Variants in LRMDA observed in about 807,000 individuals in gnomAD.
The protein encoded by LRMDA is leucine-rich melanocyte differentiation-associated protein.
LRMDA carries 18 observed loss-of-function variants against 29.8 expected under a neutral mutation model. That is an observed-to-expected ratio of 0.60 (90% CI 0.42 to 0.90). The LOEUF (loss-of-function observed/expected upper bound fraction) is 0.90. Among genes scored for constraint, LRMDA ranks in the 40% least tolerant of loss-of-function variants. The pLI is 0.00. For synonymous variants in LRMDA, 125 were observed against 109.4 expected (o/e 1.14, Z -0.89); for missense variants, 273 against 273.9 (o/e 1.00, Z 0.02).
chr10:76,538,101 T>C (rs796935020), intron 6 of LRMDA, among the ~76,000 whole-genome samples: 4 of 152,316 alleles, frequency 2.6e-5, no homozygotes, highest in African/African-American at 9.6e-5. Context: ...AGATTTAATA[T>C]ACAATTAGGT....
chr10:75,542,386 TTAA>T (rs1840029370), intron 2 of LRMDA, among the ~76,000 whole-genome samples: 1 of 152,000 alleles, frequency 6.6e-6, no homozygotes, highest in Admixed American at 6.6e-5. Flanking sequence ...TTTCACAGAG[TTAA>T]TAATGACAGT....
intron 2 of LRMDA, among the ~76,000 whole-genome samples, chr10:75,878,770 G>A (rs1368616681): frequency 1.3e-5 from 2 of 152,086 alleles, no homozygotes; most frequent in African/African-American, 4.8e-5. Flanking sequence ...ATCAAAGACG[G>A]TACCAGGAGT....
At chr10:76,111,599 T>G (rs554157343) in intron 5 of LRMDA, among the ~76,000 whole-genome samples, 42 of 152,304 alleles carry the variant, frequency 2.8e-4, no homozygotes, top group Middle Eastern at 3.4e-3. Flanking sequence ...ACCAAAATAA[T>G]AACACAGCTT....
At chr10:75,997,166 A>C (rs1175540060) in intron 2 of LRMDA, among the ~76,000 whole-genome samples, 1 of 152,106 alleles carries the variant, frequency 6.6e-6, no homozygotes, top group Non-Finnish European at 1.5e-5. Context: ...AGAAATAACC[A>C]CTTAAAACCT....
intron 6 of LRMDA, among the ~76,000 whole-genome samples, chr10:76,446,092 G>A (rs1462624159): frequency 6.6e-6 from 1 of 152,036 alleles, no homozygotes; most frequent in Non-Finnish European, 1.5e-5. Flanking sequence ...ATAGTATACG[G>A]CATTGTTTTA....
chr10:75,704,234 CT>C (rs1318706537), intron 2 of LRMDA, among the ~76,000 whole-genome samples: 7 of 152,138 alleles, frequency 4.6e-5, no homozygotes, highest in African/African-American at 1.7e-4. Context: ...GATTCTGGGA[CT>C]TTTTCAGTTC....
At chr10:76,357,708 C>T (rs1389345612) in intron 6 of LRMDA, among the ~76,000 whole-genome samples, 1 of 152,056 alleles carries the variant, frequency 6.6e-6, no homozygotes, top group Admixed American at 6.5e-5. Flanking sequence ...TAAAGGGGTC[C>T]TTGATTTCAC....
intron 2 of LRMDA, among the ~76,000 whole-genome samples, chr10:75,579,985 G>A (rs542920936): frequency 1.2e-4 from 18 of 152,278 alleles, no homozygotes; most frequent in Admixed American, 2.6e-4. Flanking sequence ...GGCAAAAGCC[G>A]CAAGCATTCC....
chr10:75,830,349 T>C (rs946646275), intron 2 of LRMDA, among the ~76,000 whole-genome samples: 2 of 152,210 alleles, frequency 1.3e-5, no homozygotes, highest in Admixed American at 1.3e-4. Context: ...GAACTTGGAT[T>C]CTGAGATTCC....
intron 2 of LRMDA, among the ~76,000 whole-genome samples, chr10:75,804,689 G>GAC (rs1843817531): frequency 6.6e-6 from 1 of 152,246 alleles, no homozygotes; most frequent in Non-Finnish European, 1.5e-5. Flanking sequence ...CTTGCTCTGG[G>GAC]AGGGGCTCAT....
intron 2 of LRMDA, among the ~76,000 whole-genome samples, chr10:75,490,634 C>T (rs546143902): frequency 6.6e-6 from 1 of 152,242 alleles, no homozygotes; most frequent in Non-Finnish European, 1.5e-5. Context: ...CTCAGGCCCT[C>T]CAGAGAGGCA....
At chr10:76,494,136 T>A (rs994484927) in intron 6 of LRMDA, among the ~76,000 whole-genome samples, 18 of 152,026 alleles carry the variant, frequency 1.2e-4, no homozygotes, top group Non-Finnish European at 1.9e-4. Context: ...TTTCTTTCTT[T>A]CTTTCCAATG....
At chr10:76,363,148 A>G in intron 6 of LRMDA, among the ~76,000 whole-genome samples, 1 of 37,138 alleles carries the variant, frequency 2.7e-5, no homozygotes. Flanking sequence ...AAAGAAAGAA[A>G]GAAAGAAAGA....
rs71028203 is a variant in LRMDA at position 76,543,316 on chromosome 10, CTGTGTGTGTGTGTGTGTGTGTG to C, written c.602-13869_602-13848del. On this transcript the variant is annotated intron_variant, in intron 6 of 6. Coordinates refer to ENST00000611255, the MANE Select transcript of LRMDA (RefSeq NM_001305581.2). ...GAATTTAGTTGTTATTGGGGTGTGC[CTGTGTGTGTGTGTGTGTGTGTG>C]TGTGTGTGTGTGTGTGTGTGTGTAG... 2.1e-3 allele frequency among the ~76,000 whole-genome samples: 302 copies of C among 144,212 alleles called. 2 individuals carry two copies. The highest frequency in any genetic ancestry group is 0.011 in the Middle Eastern group (3 of 272). 94.6% of individuals were successfully genotyped at this position (144,212 alleles called of 152,430 possible). A position where few individuals can be genotyped will look rare whatever the true frequency, so the allele number is the denominator to read the frequency against.
chr10:75,846,646 G>C (rs913372289), intron 2 of LRMDA, among the ~76,000 whole-genome samples: 1 of 152,034 alleles, frequency 6.6e-6, no homozygotes, highest in Non-Finnish European at 1.5e-5. Flanking sequence ...CAAATGTTAT[G>C]TGCAAAGCAC....
Position 75,928,468 on chromosome 10 carries a change from C to T in LRMDA, c.132-107540C>T, listed in dbSNP as rs143007377. On this transcript the variant is annotated intron_variant, in intron 2 of 6. Coordinates refer to ENST00000611255, the MANE Select transcript of LRMDA (RefSeq NM_001305581.2). ...AAAATGGCAGTACATTTGGCAACCA[C>T]GCTTCTTCCTTTATTACCTCAGCAG... is the stretch of plus-strand genomic sequence containing the variant. Among the ~76,000 whole-genome samples, 302 of 152,198 alleles carry T rather than the reference C, an allele frequency of 2.0e-3. 7 individuals carry two copies. In the East Asian group the frequency reaches 0.02, roughly 10 times the overall value.
At chr10:76,003,370 CCTCT>C (rs1242407972) in intron 2 of LRMDA, among the ~76,000 whole-genome samples, 1 of 151,558 alleles carries the variant, frequency 6.6e-6, no homozygotes, top group Non-Finnish European at 1.5e-5. Flanking sequence ...CCTGGCCCAC[CCTCT>C]CTCTCTACCA....
rs563399824 is a variant in LRMDA, at chr10:75,799,105, A to T, written c.132-236903A>T. On this transcript the variant is annotated intron_variant, in intron 2 of 6. Transcript: ENST00000611255. ...ATCTGTACTGGATTTTGTTTTATTA[A>T]GAGTTTCTGTGAGTTCTGAGAGAGG... Among the ~76,000 whole-genome samples the T allele has an allele frequency of 2.6e-4, 39 of 152,302 alleles. 1 individual carries two copies. The highest frequency in any genetic ancestry group is 8.4e-4 in the African/African-American group (35 of 41,572).
At chr10:75,629,693 A>G (rs1841299336) in intron 2 of LRMDA, among the ~76,000 whole-genome samples, 1 of 152,204 alleles carries the variant, frequency 6.6e-6, no homozygotes, top group Non-Finnish European at 1.5e-5. Context: ...TGGCATTTAT[A>G]TCTGTTCATG....
Sources: allele counts gnomAD v4.1 joint callset (sites outside exome capture counted in the v4.1 genomes callset), GRCh38; gene constraint gnomAD v4.1.1; transcripts MANE v1.5; gene names NCBI Gene and HGNC (gene_info 2026-07-23, HGNC 2026-07-21).